The following DHRSX variants were observed in gnomAD, a reference collection of about 807,000 sequenced individuals.
DHRSX encodes the protein dehydrogenase/reductase X-linked.
DHRSX carries 31 observed loss-of-function variants against 34.0 expected under a neutral mutation model. The ratio of observed to expected loss-of-function variants is 0.91; its 90% confidence interval spans 0.69 to 1.23. The LOEUF (loss-of-function observed/expected upper bound fraction) is 1.23. Among genes scored for constraint, DHRSX ranks in the 50% most tolerant of loss-of-function variants. The pLI is 0.00. For missense variants in DHRSX, 414 were observed against 428.1 expected (o/e 0.97, Z 0.29); for synonymous variants, 201 against 183.8 (o/e 1.09, Z -0.76).
chrX:2,479,102 A>G (rs2044728677), intron 1 of DHRSX, among the ~76,000 whole-genome samples: 1 of 150,774 alleles, frequency 6.6e-6, no homozygotes, highest in Non-Finnish European at 1.5e-5. Flanking sequence ...CTAAGGGACC[A>G]CAGCCATGTA....
intron 3 of DHRSX, among the ~76,000 whole-genome samples, chrX:2,396,503 G>A (rs906941050): frequency 3.4e-5 from 5 of 146,092 alleles, no homozygotes; most frequent in African/African-American, 1.0e-4. Context: ...TCAGCCTCCC[G>A]AGGAGCTGGG....
At chrX:2,357,244 C>T (rs1021089802) in intron 3 of DHRSX, among the ~76,000 whole-genome samples, 1 of 150,878 alleles carries the variant, frequency 6.6e-6, no homozygotes, top group African/African-American at 2.4e-5. Context: ...AACTCTGTCT[C>T]GAAAAAGAAA....
At chrX:2,243,794 T>TTTTTGTTTTTG (rs1305146900) in intron 5 of DHRSX, among the ~76,000 whole-genome samples, 1 of 9,982 alleles carries the variant, frequency 1.0e-4, no homozygotes, top group African/African-American at 5.2e-4. Context: ...CCCTGTTTTT[T>TTTTTGTTTTTG]TTTTTTTTTT....
intron 3 of DHRSX, among the ~76,000 whole-genome samples, chrX:2,372,864 G>A (rs2043091756): frequency 6.6e-6 from 1 of 151,980 alleles, no homozygotes; most frequent in South Asian, 2.1e-4. Context: ...CGCCGGTCTC[G>A]GCCTCCCAAA....
chrX:2,332,339 A>AGGAAG (rs371485991), intron 3 of DHRSX, among the ~76,000 whole-genome samples: 2 of 152,308 alleles, frequency 1.3e-5, no homozygotes, highest in South Asian at 2.1e-4. Flanking sequence ...GAAATATGCC[A>AGGAAG]GGAAGGGAAG....
intron 5 of DHRSX, among the ~76,000 whole-genome samples, chrX:2,253,989 A>C (rs2016502875): frequency 6.6e-6 from 1 of 152,050 alleles, no homozygotes; most frequent in Admixed American, 6.6e-5. Context: ...TGAACCCGGA[A>C]GGCGGAGCTT....
At chrX:2,397,555 G>A (rs1398620615) in intron 3 of DHRSX, among the ~76,000 whole-genome samples, 3 of 124,232 alleles carry the variant, frequency 2.4e-5, no homozygotes, top group East Asian at 2.1e-4. Flanking sequence ...TCTCTACCTC[G>A]GTTCTCATTC....
intron 5 of DHRSX, among the ~76,000 whole-genome samples, chrX:2,257,271 C>T (rs976088135): frequency 6.6e-6 from 1 of 152,134 alleles, no homozygotes; most frequent in Non-Finnish European, 1.5e-5. Flanking sequence ...CATATATTTA[C>T]TGAACTTCAG....
chrX:2,432,815 T>G (rs370653586), intron 1 of DHRSX, among the ~76,000 whole-genome samples: 2 of 152,292 alleles, frequency 1.3e-5, no homozygotes, highest in African/African-American at 4.8e-5. Context: ...TAGATTTCAC[T>G]ATTTAAAAAA....
At chrX:2,362,227 T>C (rs2042941992) in intron 3 of DHRSX, among the ~76,000 whole-genome samples, 1 of 149,326 alleles carries the variant, frequency 6.7e-6, no homozygotes, top group Non-Finnish European at 1.5e-5. Context: ...GTTTGTCTCA[T>C]ATCACTGCTG....
intron 3 of DHRSX, among the ~76,000 whole-genome samples, chrX:2,304,704 T>C (rs2042079598): frequency 6.6e-6 from 1 of 152,094 alleles, no homozygotes; most frequent in Non-Finnish European, 1.5e-5. Flanking sequence ...CATGCCTCCC[T>C]AGAAGCAGAA....
At chrX:2,408,170 G>A (rs6642069) in intron 3 of DHRSX, among the ~76,000 whole-genome samples, 1 of 150,922 alleles carries the variant, frequency 6.6e-6, no homozygotes, top group African/African-American at 2.4e-5. Context: ...GGCAGTCCCA[G>A]ATTCAAGCGA....
Position 2,413,290 on chromosome X carries a change from A to C in DHRSX, c.218-4477T>G, listed in dbSNP as rs763833860. ...TTTTGTTCAAATGACACCAAATGTC[A>C]GTTTGACAGAAGGTATAAGTTCAAG... On this transcript the variant is annotated intron_variant, in intron 2 of 6. Coordinates refer to ENST00000334651, the MANE Select transcript of DHRSX (RefSeq NM_145177.3). 3.3e-5 allele frequency among the ~76,000 whole-genome samples: 5 copies of C among 152,244 alleles called. No homozygotes were observed. The South Asian group carries it at 1.0e-3, about 32-fold the overall frequency.
At chrX:2,405,586 G>A (rs759355931) in intron 3 of DHRSX, among the ~76,000 whole-genome samples, 3 of 151,778 alleles carry the variant, frequency 2.0e-5, no homozygotes, top group East Asian at 2.0e-4. Flanking sequence ...TGAATGGACC[G>A]CTTGAACCCA....
intron 1 of DHRSX, among the ~76,000 whole-genome samples, chrX:2,456,063 T>G (rs2044292290): frequency 3.9e-5 from 6 of 152,152 alleles, no homozygotes; most frequent in African/African-American, 1.4e-4. Flanking sequence ...CTTTAGCCAG[T>G]TTGTTCACAG....
chrX:2,346,628 G>C (rs758369975), intron 3 of DHRSX, among the ~76,000 whole-genome samples: 30 of 144,900 alleles, frequency 2.1e-4, no homozygotes, highest in African/African-American at 7.7e-4. Context: ...TGTTTGTAGG[G>C]ATGTTGTATG....
At chrX:2,488,740 C>G (rs781505323) in intron 1 of DHRSX, 4 of 1,613,872 alleles carry the variant, frequency 2.5e-6, no homozygotes. Context: ...CGTCCTGGTC[C>G]TCGGGTTCCG....
chrX:2,345,272 T>C (rs1307902211), intron 3 of DHRSX, among the ~76,000 whole-genome samples: 4 of 152,000 alleles, frequency 2.6e-5, no homozygotes, highest in Non-Finnish European at 4.4e-5. Flanking sequence ...TTAAATGAGA[T>C]AAATATCGAA....
At chrX:2,431,775 G>A (rs750398510) in intron 1 of DHRSX, among the ~76,000 whole-genome samples, 1 of 152,280 alleles carries the variant, frequency 6.6e-6, no homozygotes, top group East Asian at 1.9e-4. Context: ...AAGGGATGGG[G>A]CAAGGGTTGG....
Sources: gnomAD v4.1 joint callset for allele counts (sites outside exome capture counted in the v4.1 genomes callset) on GRCh38, gnomAD v4.1.1 for gene constraint, MANE v1.5 for transcripts, NCBI Gene and HGNC (gene_info 2026-07-23, HGNC 2026-07-21) for gene names.